Variants in AGXT observed in about 807,000 individuals in gnomAD.
AGXT encodes the protein L-alanine: glyoxylate aminotransferase 1.
In AGXT, 41 loss-of-function variants were observed where a neutral mutation model predicts 46.9. The ratio of observed to expected loss-of-function variants is 0.88; its 90% CI spans 0.68 to 1.14. The LOEUF is 1.14. Ranked by LOEUF, AGXT falls within the 50% of genes most tolerant of loss-of-function variation. The probability of loss-of-function intolerance (pLI) is 0.00; values close to 1 mark genes in which losing one functional copy is unlikely to be tolerated. For synonymous variants in AGXT, 244 were observed against 227.9 expected (o/e 1.07, Z -0.64); for missense variants, 525 against 522.7 (o/e 1.00, Z -0.04).
At position 240,871,413 on chromosome 2, in the gene AGXT, T is replaced by G; in HGVS notation, c.488T>G (p.Leu163Arg). 6.3e-7 allele frequency: 1 copy of G among 1,599,286 alleles called. No homozygotes were observed. Among genetic ancestry groups the G allele is most frequent in the South Asian group, 1.1e-5 (1 of 88,174 alleles). The stretch of plus-strand genomic sequence containing the variant: ...CACGGGGAGTCGTCCACCGGCGTGC[T>G]GCAGCCCCTTGATGGCTTCGGGGAA... The part of the protein sequence containing the change: ...LTHGESSTGV[L>R]QPLDGFGELC... The change falls in exon 4 of 11, where the codon CTG becomes CGG. Residue 163 changes from leucine (L) to arginine (R), a missense_variant. Leu to Arg is a moderately radical substitution (Grantham distance 102, BLOSUM62 -2). Transcript: ENST00000307503.
chr2:240,874,596 A>G (rs1170675197), intron 6 of AGXT, among the ~76,000 whole-genome samples: 1 of 152,188 alleles, frequency 6.6e-6, no homozygotes, highest in African/African-American at 2.4e-5. Flanking sequence ...GGGAGAAGTC[A>G]GGAATTCGGT....
At chr2:240,876,139 G>A in intron 8 of AGXT, 135 bp downstream of exon 8, 1 of 1,095,056 alleles carries the variant, frequency 9.1e-7, no homozygotes, top group Non-Finnish European at 1.4e-6. Context: ...AGTGGGGGTG[G>A]GGGAGAGAGG....
In AGXT at chr2:240,879,320, C is replaced by T. The variant is rs4234095; in HGVS notation, c.*499C>T. ...CGCACCACATCCAGGTGAACCCACA[C>T]GGCGCACAGGGCTGGTTGGAGACCC... On this transcript the variant is annotated 3_prime_UTR_variant, in exon 11 of 11. Transcript: ENST00000307503. 99,249 of 198,624 alleles carry T rather than the reference C, an allele frequency of 0.5. 27,013 individuals carry two copies. Among genetic ancestry groups the T allele is most frequent in the Non-Finnish European group, 0.6 (57,998 of 97,074 alleles). 12.3% of individuals were successfully genotyped at this position (198,624 alleles called of 1,614,324 possible).
Position 240,873,968 on chromosome 2 carries a change from C to T in AGXT, c.596-10C>T, listed in dbSNP as rs890462970. On this transcript the variant is annotated splice_polypyrimidine_tract_variant and intron_variant, in intron 5 of 10. Coordinates refer to ENST00000307503, the MANE Select transcript of AGXT (RefSeq NM_000030.3). ...GACTCACCCGTCCCGAGCAAACCAC[C>T]CATCTACAGGCATCGACATCCTGTA... The T allele has an allele frequency of 6.2e-6, 10 of 1,613,380 alleles. No individual in the cohort carries two copies. Among genetic ancestry groups the T allele is most frequent in the Admixed American group, 1.7e-5 (1 of 60,002 alleles).
At position 240,878,167 on chromosome 2, in the gene AGXT, C is replaced by T. The variant is rs201658017; in HGVS notation, c.1071+17C>T. The stretch of plus-strand genomic sequence containing the variant: ...ACGGGGAAGGTGAGAGGGAGCGCCT[C>T]GAGGGCCTTTTGCAGAAACCAAACC... On this transcript the variant is annotated intron_variant, in intron 10 of 10. Transcript: ENST00000307503. The T allele has an allele frequency of 7.3e-5, 117 of 1,611,802 alleles. No homozygotes were observed. The highest frequency in any genetic ancestry group is 3.0e-4 in the Admixed American group (18 of 59,990).
chr2:240,874,299 G>C (rs2059010665), intron 6 of AGXT, among the ~76,000 whole-genome samples: 2 of 152,220 alleles, frequency 1.3e-5, no homozygotes, highest in Admixed American at 6.5e-5. Context: ...TGCTCTGGAA[G>C]TTCCCAGCTT....
chr2:240,870,263 C>T (rs1051081601), intron 2 of AGXT, among the ~76,000 whole-genome samples: 1 of 152,162 alleles, frequency 6.6e-6, no homozygotes, highest in African/African-American at 2.4e-5. Flanking sequence ...ATCCATCACA[C>T]CTGTGGTGTG....
At chr2:240,872,904 T>G (rs775660013) in intron 4 of AGXT, 75 bp from the exon 5 acceptor site, 3 of 1,346,842 alleles carry the variant, frequency 2.2e-6, no homozygotes, top group Non-Finnish European at 3.2e-6. Context: ...AGAAACCCCA[T>G]CCAGCCTGGG....
intron 10 of AGXT, 47 bp from the exon 11 acceptor site, chr2:240,878,667 C>T (rs1013789317): frequency 2.0e-6 from 3 of 1,517,684 alleles, no homozygotes; most frequent in Non-Finnish European, 1.8e-6. Context: ...CAGGGTCAGG[C>T]AGGTCCCAGG....
chr2:240,870,334 C>T (rs2058984529), intron 2 of AGXT, among the ~76,000 whole-genome samples: 2 of 152,248 alleles, frequency 1.3e-5, no homozygotes, highest in South Asian at 4.1e-4. Flanking sequence ...CCCTGACTCC[C>T]GGGAGCTCAC....
At chr2:240,870,540 G>C in intron 2 of AGXT, 104 bp from the exon 3 acceptor site, 2 of 1,356,874 alleles carry the variant, frequency 1.5e-6, no homozygotes, top group Non-Finnish European at 2.0e-6. Context: ...ACGGTGGGTG[G>C]GGTCCAGCCC....
chr2:240,874,168 C>A (rs1007481040), intron 6 of AGXT, 106 bp downstream of exon 6: 1 of 1,117,780 alleles, frequency 8.9e-7, no homozygotes, highest in East Asian at 2.5e-5. Flanking sequence ...GCTCCCCATG[C>A]TCCTCCAGCA....
At chr2:240,874,571 A>G (rs1013503451) in intron 6 of AGXT, among the ~76,000 whole-genome samples, 6 of 152,200 alleles carry the variant, frequency 3.9e-5, no homozygotes, top group Non-Finnish European at 7.3e-5. Flanking sequence ...GTTCCCCAGA[A>G]CAGAGAGGAC....
chr2:240,875,097 CT>C lies in AGXT; in HGVS notation c.681-9del. ...TGAGAGGCTGGTGCTCAGCCTGCTT[CT>C]TTCTCCCCAGAAAGAAGATGTACTC... On this transcript the variant is annotated splice_polypyrimidine_tract_variant and intron_variant, in intron 6 of 10. Transcript: ENST00000307503. 1 of 1,599,928 alleles carries C rather than the reference CT, an allele frequency of 6.3e-7. No individual in the cohort carries two copies. Among genetic ancestry groups the C allele is most frequent in the South Asian group, 1.1e-5 (1 of 90,774 alleles).
At chr2:240,876,086 C>G (rs1427938270) in intron 8 of AGXT, 82 bp downstream of exon 8, 2 of 1,481,304 alleles carry the variant, frequency 1.4e-6, no homozygotes, top group African/African-American at 2.8e-5. Flanking sequence ...AGGAACCATC[C>G]CTGGTGCACA....
At position 240,879,275 on chromosome 2, in the gene AGXT, C is replaced by T; in HGVS notation, c.*454C>T. 4.3e-6 allele frequency: 1 copy of T among 233,258 alleles called. No homozygotes were observed. Among genetic ancestry groups the T allele is most frequent in the South Asian group, 5.9e-5 (1 of 16,912 alleles). The allele number at this position is 233,258 out of a possible 1,614,324, so 14.4% of individuals were successfully genotyped here. On this transcript the variant is annotated 3_prime_UTR_variant, in exon 11 of 11. Transcript: ENST00000307503. ...GTCACCACACTCTAGCCCCAGATGT[C>T]ACACCCCCAAACGTCCTCACGCACC... is the stretch of plus-strand genomic sequence containing the variant.
chr2:240,873,986 A>C lies in AGXT; in HGVS notation c.604A>C (p.Ile202Leu). Residue 202 changes from isoleucine to leucine, a missense_variant, in exon 6 of 11, where the codon ATC becomes CTC. By Grantham distance (5) the Ile-to-Leu change is conservative. Transcript: ENST00000307503. ...AAACCACCCATCTACAGGCATCGAC[A>C]TCCTGTACTCGGGCTCCCAGAAGGC... ...PLYMDRQGID[I>L]LYSGSQKALN... The C allele has an allele frequency of 6.2e-7, 1 of 1,613,612 alleles. No homozygotes were observed. Among genetic ancestry groups the C allele is most frequent in the South Asian group, 1.1e-5 (1 of 91,086 alleles).
rs75777491 is a variant in AGXT at position 240,871,984 on chromosome 2, C to T, written c.524+535C>T. ...GCCAGGGAGGGTCCTTCTGACAGGG[C>T]CCCCAGCCCAGACAGCTTGCTGCAT... On this transcript the variant is annotated intron_variant, in intron 4 of 10. Transcript: ENST00000307503. Among the ~76,000 whole-genome samples the T allele has an allele frequency of 4.1e-3, 625 of 152,352 alleles. 23 individuals are homozygous for T. In the East Asian group the frequency reaches 0.072, roughly 17 times the overall value.
chr2:240,878,690 G>T, intron 10 of AGXT, 24 bp from the exon 11 acceptor site: 1 of 1,540,290 alleles, frequency 6.5e-7, no homozygotes, highest in Non-Finnish European at 8.7e-7. Flanking sequence ...GGAGGCTGAC[G>T]TCAGCCCGCC....
Sources: gnomAD v4.1 joint callset for allele counts (sites outside exome capture counted in the v4.1 genomes callset) on GRCh38, gnomAD v4.1.1 for gene constraint, MANE v1.5 for transcripts, NCBI Gene and HGNC (gene_info 2026-07-23, HGNC 2026-07-21) for gene names.